TRIM44: variants seen among roughly 807,000 people sequenced by gnomAD.
TRIM44 encodes tripartite motif containing 44.
In TRIM44, 13 loss-of-function variants were observed where a neutral mutation model predicts 37.4. The ratio of observed to expected loss-of-function variants is 0.35; its 90% CI spans 0.23 to 0.55. TRIM44 has a LOEUF of 0.55. Among genes scored for constraint, TRIM44 ranks in the 20% least tolerant of loss-of-function variants. The pLI is 0.89. For synonymous variants in TRIM44, 175 were observed against 157.2 expected, an observed-to-expected ratio of 1.11 and a Z score of -0.85; for missense variants, 426 against 437.2, an observed-to-expected ratio of 0.97 and a Z score of 0.23.
chr11:35,664,446 T>G (rs1168956452), intron 1 of TRIM44, among the ~76,000 whole-genome samples: 2 of 152,198 alleles, frequency 1.3e-5, no homozygotes, highest in African/African-American at 2.4e-5. Context: ...ATGAATGAAT[T>G]TGCAGACGAT....
At chr11:35,716,154 G>C (rs145835494) in intron 2 of TRIM44, among the ~76,000 whole-genome samples, 1 of 152,304 alleles carries the variant, frequency 6.6e-6, no homozygotes, top group African/African-American at 2.4e-5. Context: ...GGAGTGAAGA[G>C]CACATATAAT....
At chr11:35,668,390 CAG>C (rs899060327) in intron 1 of TRIM44, among the ~76,000 whole-genome samples, 21 of 152,168 alleles carry the variant, frequency 1.4e-4, no homozygotes, top group African/African-American at 3.9e-4. Context: ...TGACAGGCTC[CAG>C]TGTATGTTGT....
At chr11:35,731,414 C>A (rs1012394010) in intron 3 of TRIM44, among the ~76,000 whole-genome samples, 7 of 152,058 alleles carry the variant, frequency 4.6e-5, no homozygotes, top group African/African-American at 1.7e-4. Flanking sequence ...ACTAACCTTG[C>A]ATTTCTGAGA....
chr11:35,725,189 A>G (rs1195579092), intron 2 of TRIM44, among the ~76,000 whole-genome samples: 6 of 152,144 alleles, frequency 3.9e-5, no homozygotes, highest in African/African-American at 1.4e-4. Flanking sequence ...GTAGAAAAGT[A>G]AGACAACCAT....
Position 35,814,633 on chromosome 11 carries a change from A to G in TRIM44, c.*8248A>G, listed in dbSNP as rs540490869. 13 of 152,300 alleles carry G rather than the reference A, an allele frequency of 8.5e-5. No individual in the cohort carries two copies. The highest frequency in any genetic ancestry group is 3.1e-4 in the African/African-American group (13 of 41,560). 9.4% of individuals were successfully genotyped at this position (152,300 alleles called of 1,614,324 possible). On this transcript the variant is annotated 3_prime_UTR_variant, in exon 5 of 5. Transcript: ENST00000299413. ...TAAAAACATGTGCCACGCTGATTAT[A>G]TATAGAGATGGTCTAAATCAGCTGC...
intron 1 of TRIM44, among the ~76,000 whole-genome samples, chr11:35,667,101 T>A (rs903456781): frequency 3.9e-5 from 6 of 152,246 alleles, no homozygotes; most frequent in African/African-American, 7.2e-5. Flanking sequence ...TGATATGTTC[T>A]ATGGTTTTTG....
At position 35,800,601 on chromosome 11, in the gene TRIM44, C is replaced by G. The variant is rs975445521; in HGVS notation, c.1008-5757C>G. ...AAAAGTTCTCCAACTTCCCACTCGA[C>G]CCAGGAGGTCCAGCTGGCTTCACCT... On this transcript the variant is annotated intron_variant, in intron 4 of 4. Coordinates refer to ENST00000299413, the MANE Select transcript of TRIM44 (RefSeq NM_017583.6). Among the ~76,000 whole-genome samples, 8 of 152,182 alleles carry G rather than the reference C, an allele frequency of 5.3e-5. 1 individual carries two copies. Among genetic ancestry groups the G allele is most frequent in the Admixed American group, 3.9e-4 (6 of 15,280 alleles).
Position 35,775,028 on chromosome 11 carries a change from G to T in TRIM44, c.1008-31330G>T, listed in dbSNP as rs546330307. ...AGAAAGTCATTGGTAGCTTGATTGG[G>T]GATGGCATTGAATCTATAAATTACC... On this transcript the variant is annotated intron_variant, in intron 4 of 4. Transcript: ENST00000299413. 9.9e-4 allele frequency among the ~76,000 whole-genome samples: 151 copies of T among 152,212 alleles called. 1 individual carries two copies. The highest frequency in any genetic ancestry group is 3.4e-3 in the Middle Eastern group (1 of 294).
intron 1 of TRIM44, among the ~76,000 whole-genome samples, chr11:35,665,936 A>G (rs1483076836): frequency 6.6e-6 from 1 of 151,972 alleles, no homozygotes; most frequent in African/African-American, 2.4e-5. Context: ...GTGGGTTGCA[A>G]ATATCTTCTA....
intron 4 of TRIM44, among the ~76,000 whole-genome samples, chr11:35,788,215 C>G (rs1236725368): frequency 7.2e-5 from 11 of 152,124 alleles, no homozygotes; most frequent in Non-Finnish European, 1.5e-4. Flanking sequence ...AAGACGTAGA[C>G]TTAGGCTGCT....
chr11:35,763,171 G>A (rs1852750689), intron 4 of TRIM44, among the ~76,000 whole-genome samples: 1 of 152,100 alleles, frequency 6.6e-6, no homozygotes, highest in Non-Finnish European at 1.5e-5. Flanking sequence ...AAGGGAAAAG[G>A]GCAATAGAAA....
intron 2 of TRIM44, among the ~76,000 whole-genome samples, chr11:35,686,328 G>GGC (rs1334741952): frequency 5.3e-5 from 8 of 151,472 alleles, no homozygotes; most frequent in African/African-American, 1.9e-4. Context: ...AATAGGGAAA[G>GGC]GCGCATGATT....
intron 4 of TRIM44, among the ~76,000 whole-genome samples, chr11:35,786,389 A>T (rs1406551281): frequency 1.3e-5 from 2 of 152,094 alleles, no homozygotes; most frequent in South Asian, 4.2e-4. Flanking sequence ...TCCATCAAAG[A>T]CTCCATTGGC....
chr11:35,725,042 G>A (rs780667545), intron 2 of TRIM44, among the ~76,000 whole-genome samples: 1 of 148,024 alleles, frequency 6.8e-6, no homozygotes, highest in Non-Finnish European at 1.5e-5. Context: ...GAGAGGAATG[G>A]TTAACTAGGA....
chr11:35,793,026 G>A (rs139493930), intron 4 of TRIM44, among the ~76,000 whole-genome samples: 4 of 152,238 alleles, frequency 2.6e-5, no homozygotes, highest in African/African-American at 9.6e-5. Flanking sequence ...CCTAAGTTCA[G>A]GGGAACAGGT....
chr11:35,789,122 C>T (rs1048853730), intron 4 of TRIM44, among the ~76,000 whole-genome samples: 1 of 152,128 alleles, frequency 6.6e-6, no homozygotes, highest in African/African-American at 2.4e-5. Flanking sequence ...TATTGTCATT[C>T]CCCTCCTCCT....
intron 4 of TRIM44, among the ~76,000 whole-genome samples, chr11:35,787,232 T>C (rs1450745716): frequency 1.3e-5 from 2 of 152,166 alleles, no homozygotes; most frequent in African/African-American, 2.4e-5. Context: ...TGAAGATTGC[T>C]GTCACGCCTC....
At position 35,762,724 on chromosome 11, in the gene TRIM44, A is replaced by G. The variant is rs566953445; in HGVS notation, c.1007+27279A>G. On this transcript the variant is annotated intron_variant, in intron 4 of 4. Coordinates refer to ENST00000299413, the MANE Select transcript of TRIM44 (RefSeq NM_017583.6). ...AGAATCAGTGTGATGCAATGGTTAA[A>G]GAATTTTGGCTTTGGGGTTAGAGGT... Among the ~76,000 whole-genome samples the G allele has an allele frequency of 2.0e-4, 31 of 152,344 alleles. 1 individual carries two copies. In the South Asian group the frequency reaches 6.4e-3, roughly 32 times the overall value.
intron 2 of TRIM44, among the ~76,000 whole-genome samples, chr11:35,688,452 A>G (rs1851605114): frequency 6.6e-6 from 1 of 152,082 alleles, no homozygotes; most frequent in Non-Finnish European, 1.5e-5. Context: ...AAAAAGTAAA[A>G]TCTCCCCTAA....
Sources: allele counts gnomAD v4.1 joint callset (sites outside exome capture counted in the v4.1 genomes callset), GRCh38; gene constraint gnomAD v4.1.1; transcripts MANE v1.5; gene names NCBI Gene and HGNC (gene_info 2026-07-23, HGNC 2026-07-21).